The following PCDH9 variants were observed in gnomAD, a reference collection of about 807,000 sequenced individuals.
PCDH9 encodes the protein protocadherin 9.
PCDH9 carries 24 observed loss-of-function variants against 70.6 expected under a neutral mutation model. The observed-to-expected ratio is 0.34, with a 90% CI of 0.25 to 0.48. The LOEUF (loss-of-function observed/expected upper bound fraction) is 0.48. Ranked by LOEUF, PCDH9 falls within the 20% of genes least tolerant of loss-of-function variation. PCDH9 has a pLI of 0.99. For synonymous variants in PCDH9, 562 were observed against 558.5 expected (o/e 1.01, Z -0.09); for missense variants, 1,281 against 1,503.6 (o/e 0.85, Z 2.45).
At chr13:66,309,555 T>G (rs1052710851) in intron 4 of PCDH9, among the ~76,000 whole-genome samples, 3 of 151,998 alleles carry the variant, frequency 2.0e-5, no homozygotes, top group Admixed American at 6.6e-5. Context: ...GAATATAATC[T>G]ATAGTTCTCC....
chr13:66,580,316 A>C (rs1342606129), intron 4 of PCDH9, among the ~76,000 whole-genome samples: 1 of 151,878 alleles, frequency 6.6e-6, no homozygotes, highest in East Asian at 2.0e-4. Flanking sequence ...TTTTCTTACT[A>C]GGTTGTTTGA....
At chr13:66,559,817 A>AAAAATAT (rs71677008) in intron 4 of PCDH9, among the ~76,000 whole-genome samples, 23 of 93,110 alleles carry the variant, frequency 2.5e-4, no homozygotes, top group African/African-American at 7.5e-4. Context: ...AAAAAAAAAA[A>AAAAATAT]ATATATATAT....
chr13:66,374,331 C>G (rs1956711406), intron 4 of PCDH9, among the ~76,000 whole-genome samples: 1 of 151,916 alleles, frequency 6.6e-6, no homozygotes, highest in Admixed American at 6.6e-5. Context: ...GAACAAGGGA[C>G]ATGCGAATTT....
intron 3 of PCDH9, among the ~76,000 whole-genome samples, chr13:66,667,605 A>G (rs2078114235): frequency 6.6e-6 from 1 of 151,914 alleles, no homozygotes; most frequent in South Asian, 2.1e-4. Flanking sequence ...AGCTTTTATA[A>G]CTCCTTTTGA....
At chr13:66,858,096 T>A (rs1470660664) in intron 3 of PCDH9, among the ~76,000 whole-genome samples, 1 of 152,132 alleles carries the variant, frequency 6.6e-6, no homozygotes, top group Non-Finnish European at 1.5e-5. Context: ...ATAACACAAT[T>A]AAATTACTAA....
At chr13:66,499,156 A>G (rs1281023080) in intron 4 of PCDH9, among the ~76,000 whole-genome samples, 1 of 152,138 alleles carries the variant, frequency 6.6e-6, no homozygotes, top group Non-Finnish European at 1.5e-5. Context: ...ATTTTCAGCT[A>G]GTATTACATT....
In PCDH9 at chr13:67,124,973, G is replaced by T. The variant is rs1297694476; in HGVS notation, c.3036+100432C>A. Reference sequence around the variant, plus strand: ...AGTTAACATAGCCTGTGACAAGCCTGGGACTAGAACCCAGGTTGTGCATAA... The same window carrying T: ...AGTTAACATAGCCTGTGACAAGCCTTGGACTAGAACCCAGGTTGTGCATAA... On this transcript the variant is annotated intron_variant, in intron 2 of 4. Transcript: ENST00000377865. 2.6e-5 allele frequency among the ~76,000 whole-genome samples: 4 copies of T among 152,136 alleles called. No homozygotes were observed. The East Asian group carries it at 7.7e-4, about 29-fold the overall frequency.
chr13:66,308,820 T>C (rs180891862), intron 4 of PCDH9, among the ~76,000 whole-genome samples: 219 of 152,054 alleles, frequency 1.4e-3, no homozygotes, highest in Admixed American at 3.4e-3. Flanking sequence ...TAGAGGAATA[T>C]GGATTTAGCT....
chr13:66,676,955 T>C (rs2078251658), intron 3 of PCDH9, among the ~76,000 whole-genome samples: 1 of 152,134 alleles, frequency 6.6e-6, no homozygotes, highest in African/African-American at 2.4e-5. Flanking sequence ...CATTTACATG[T>C]CAATATTGAT....
At chr13:67,215,757 T>C (rs1174213035) in intron 2 of PCDH9, 1 of 152,094 alleles carries the variant, frequency 6.6e-6, no homozygotes, top group Non-Finnish European at 1.5e-5. Flanking sequence ...GAAAATCTTA[T>C]ATATATAAAA....
intron 4 of PCDH9, among the ~76,000 whole-genome samples, chr13:66,377,004 C>G (rs932021985): frequency 1.3e-5 from 2 of 152,068 alleles, no homozygotes; most frequent in African/African-American, 4.8e-5. Flanking sequence ...TCTGTGCTGA[C>G]AACACTAGAA....
intron 4 of PCDH9, among the ~76,000 whole-genome samples, chr13:66,629,368 T>C (rs1474123760): frequency 6.6e-6 from 1 of 152,236 alleles, no homozygotes; most frequent in African/African-American, 2.4e-5. Flanking sequence ...CTCTTAGCTT[T>C]ACTTCAACAA....
intron 2 of PCDH9, among the ~76,000 whole-genome samples, chr13:67,195,226 A>G (rs1358338105): frequency 6.6e-6 from 1 of 151,910 alleles, no homozygotes; most frequent in Non-Finnish European, 1.5e-5. Context: ...GCTCACTGCA[A>G]GCTCCGCCTC....
intron 3 of PCDH9, among the ~76,000 whole-genome samples, chr13:66,865,642 G>T (rs1203369599): frequency 6.6e-6 from 1 of 152,136 alleles, no homozygotes; most frequent in Non-Finnish European, 1.5e-5. Flanking sequence ...TCTGGTGTAG[G>T]TATGCCTGAT....
In PCDH9 at chr13:66,634,906, C is replaced by T. The variant is rs139265075; in HGVS notation, c.3139-3495G>A. Among the ~76,000 whole-genome samples, 519 of 152,084 alleles carry T rather than the reference C, an allele frequency of 3.4e-3. 1 individual carries two copies. The highest frequency in any genetic ancestry group is 0.012 in the African/African-American group (496 of 41,482). On this transcript the variant is annotated intron_variant, in intron 3 of 4. Transcript: ENST00000377865. ...CAATTCAGGGCCTTCTCTGAGGTGA[C>T]GCAGCTCTTAGTGTGGGGTGGGAAA...
chr13:67,083,939 C>T (rs995849689), intron 2 of PCDH9, among the ~76,000 whole-genome samples: 2 of 152,140 alleles, frequency 1.3e-5, no homozygotes, highest in Non-Finnish European at 2.9e-5. Context: ...TTTATGGATA[C>T]ACCATTTACC....
intron 4 of PCDH9, among the ~76,000 whole-genome samples, chr13:66,340,393 T>C (rs1956105596): frequency 6.6e-6 from 1 of 152,172 alleles, no homozygotes; most frequent in Non-Finnish European, 1.5e-5. Flanking sequence ...TACATGGCTT[T>C]TTATTGCCCC....
chr13:66,628,713 T>G (rs1256063236), intron 4 of PCDH9, among the ~76,000 whole-genome samples: 2 of 152,234 alleles, frequency 1.3e-5, no homozygotes, highest in Non-Finnish European at 2.9e-5. Flanking sequence ...AAGTTTTGCT[T>G]TTCTTCAAAT....
intron 3 of PCDH9, among the ~76,000 whole-genome samples, chr13:66,669,786 G>A (rs1351565779): frequency 3.9e-5 from 6 of 151,948 alleles, no homozygotes; most frequent in Admixed American, 2.0e-4. Context: ...TTCATTCCAC[G>A]GTGGGAAAAA....
Sources: allele counts gnomAD v4.1 joint callset (sites outside exome capture counted in the v4.1 genomes callset), GRCh38; gene constraint gnomAD v4.1.1; transcripts MANE v1.5; gene names NCBI Gene and HGNC (gene_info 2026-07-23, HGNC 2026-07-21).